ABCA9: variants seen among roughly 807,000 people sequenced by gnomAD.
ABCA9 encodes the protein ATP-binding cassette sub-family A member 9.
ABCA9 carries 183 observed loss-of-function variants against 205.3 expected under a neutral mutation model. The ratio of observed to expected loss-of-function variants is 0.89; its 90% CI spans 0.79 to 1.01. ABCA9 has a LOEUF of 1.01. Among genes scored for constraint, ABCA9 ranks in the 50% least tolerant of loss-of-function variants. The pLI, the probability that ABCA9 is intolerant of heterozygous loss-of-function variation, is 0.00. For missense variants in ABCA9, 1,805 were observed against 1,912.4 expected, an observed-to-expected ratio of 0.94 and a Z score of 1.05; for synonymous variants, 651 against 683.3, an observed-to-expected ratio of 0.95 and a Z score of 0.74.
Position 69,017,643 on chromosome 17 carries a change from G to T in ABCA9, c.2901+13C>A. The T allele has an allele frequency of 6.2e-7, 1 of 1,611,926 alleles. No homozygotes were observed. On this transcript the variant is annotated intron_variant, in intron 21 of 38. Coordinates refer to ENST00000340001, the MANE Select transcript of ABCA9 (RefSeq NM_080283.4). ...CACCTTTGGTGAAATGCAGCAACTG[G>T]AGTCCAGCATACCTTTTCATCACCT...
At chr17:68,976,706 G>T (rs2068900918) in intron 37 of ABCA9, among the ~76,000 whole-genome samples, 1 of 152,220 alleles carries the variant, frequency 6.6e-6, no homozygotes, top group Non-Finnish European at 1.5e-5. Flanking sequence ...TCAGGTCATT[G>T]CTTCCTCTCT....
rs780623292 is a variant in ABCA9 at position 69,007,751 on chromosome 17, A to G, written c.3435+8T>C. 21 of 1,496,704 alleles carry G rather than the reference A, an allele frequency of 1.4e-5. No individual in the cohort carries two copies. The highest frequency in any genetic ancestry group is 2.0e-5 in the Non-Finnish European group (21 of 1,074,398). The allele number at this position is 1,496,704 out of a possible 1,614,324, so 92.7% of individuals were successfully genotyped here. On this transcript the variant is annotated splice_region_variant and intron_variant, in intron 25 of 38. Transcript: ENST00000340001. The stretch of plus-strand genomic sequence containing the variant: ...TGGTAAAATAATAGGTAGTATATGC[A>G]TACTCACAATTAAGAAGAAAAATGA...
At chr17:68,982,364 C>T (rs1025312287) in intron 37 of ABCA9, among the ~76,000 whole-genome samples, 198 bp downstream of exon 37, 6 of 152,152 alleles carry the variant, frequency 3.9e-5, no homozygotes, top group Admixed American at 6.5e-5. Context: ...CCTCTCTGTC[C>T]GCACTTGTAA....
chr17:69,078,236 A>C, the ABCA9 span, among the ~76,000 whole-genome samples: 1 of 137,632 alleles, frequency 7.3e-6, no homozygotes, highest in Non-Finnish European at 1.5e-5. Context: ...ACAGAGTCTC[A>C]CTCTGTCACC....
intron 12 of ABCA9, among the ~76,000 whole-genome samples, chr17:69,028,165 C>T (rs750952280): frequency 9.9e-5 from 15 of 151,896 alleles, no homozygotes; most frequent in Non-Finnish European, 1.9e-4. Context: ...TTAATAAAAC[C>T]AATTACATAA....
Position 68,986,187 on chromosome 17 carries a change from C to A in ABCA9, c.4185G>T (p.Gly1395=), listed in dbSNP as rs1351356318. The A allele has an allele frequency of 1.9e-6, 3 of 1,611,726 alleles. No individual in the cohort carries two copies. The highest frequency in any genetic ancestry group is 1.7e-6 in the Non-Finnish European group (2 of 1,178,904). Residue 1395 remains glycine, a synonymous_variant, in exon 32 of 39, where the codon GGG becomes GGT. Transcript: ENST00000340001. The part of the protein sequence containing the change: ...VYAAVKGLRK[G]DAMIAITRLV... ...ACCGTGTGATGGCGATCATTGCGTC[C>A]CCTTTCCTGAGACCTTTCACGGCAG...
rs1240977612 is a variant in ABCA9 at position 69,032,159 on chromosome 17, T to C, written c.1394A>G (p.Asn465Ser). 1 of 1,613,810 alleles carries C rather than the reference T, an allele frequency of 6.2e-7. No individual in the cohort carries two copies. Among genetic ancestry groups the C allele is most frequent in the South Asian group, 1.1e-5 (1 of 91,050 alleles). Residue 465 changes from asparagine to serine, a missense_variant, in exon 10 of 39, where the codon AAT (asparagine) becomes AGT (serine). By Grantham distance (46) the Asn-to-Ser change is conservative (BLOSUM62 1). Transcript: ENST00000340001. ...TGGAGACACTGGTTCAAAACAGTCA[T>C]TAGGTGTAGGATCAGAATCTGTTTC... ...ENETDSDPTP[N>S]DCFEPVSPEF...
At chr17:69,045,432 C>T in intron 3 of ABCA9, 96 bp from the exon 4 acceptor site, 1 of 1,091,962 alleles carries the variant, frequency 9.2e-7, no homozygotes. Context: ...TAAAGCTATT[C>T]CTTCCTAAAG....
Position 69,043,494 on chromosome 17 carries a change from T to G in ABCA9, c.795A>C (p.Ala265=). 2 of 1,581,318 alleles carry G rather than the reference T, an allele frequency of 1.3e-6. No individual in the cohort carries two copies. Among genetic ancestry groups the G allele is most frequent in the Non-Finnish European group, 1.7e-6 (2 of 1,163,020 alleles). ...LMTMMGLRES[A]FWLSWGLMYA... Reference sequence around the variant, plus strand: ...ATTGGAGTCATATGATTTACCAGAATGCTGACTCTCGGAGTCCCATCATTG... The same window carrying G: ...ATTGGAGTCATATGATTTACCAGAAGGCTGACTCTCGGAGTCCCATCATTG... Residue 265 remains alanine, a synonymous_variant, in exon 6 of 39, where the codon GCA becomes GCC. Coordinates refer to ENST00000340001, the MANE Select transcript of ABCA9 (RefSeq NM_080283.4).
chr17:69,077,467 G>C, the ABCA9 span, among the ~76,000 whole-genome samples: 2 of 152,188 alleles, frequency 1.3e-5, no homozygotes, highest in Non-Finnish European at 2.9e-5. Flanking sequence ...CAGATGAGAA[G>C]AATGTATATT....
chr17:69,054,689 T>C (rs974298854), intron 1 of ABCA9, among the ~76,000 whole-genome samples: 12 of 152,008 alleles, frequency 7.9e-5, no homozygotes, highest in Admixed American at 2.0e-4. Context: ...TGTATACTTA[T>C]GTTTATATAT....
chr17:69,007,894 T>C (rs1282024034), intron 24 of ABCA9, 22 bp from the exon 25 acceptor site: 1 of 1,522,796 alleles, frequency 6.6e-7, no homozygotes, highest in Admixed American at 1.7e-5. Context: ...AATGTTAAGG[T>C]CCAATAAGGT....
At chr17:69,035,135 A>G in intron 8 of ABCA9, 111 bp downstream of exon 8, 2 of 993,286 alleles carry the variant, frequency 2.0e-6, no homozygotes. Context: ...ATACATGTTT[A>G]TTTTTACAAA....
chr17:69,072,428 T>C, the ABCA9 span, among the ~76,000 whole-genome samples: 1 of 151,894 alleles, frequency 6.6e-6, no homozygotes, highest in East Asian at 1.9e-4. Flanking sequence ...CAGAAGAGAG[T>C]GGGGGACAAT....
At chr17:68,989,244 T>C in intron 30 of ABCA9, 126 bp from the exon 31 acceptor site, 15 of 363,040 alleles carry the variant, frequency 4.1e-5, no homozygotes, top group Middle Eastern at 7.6e-4. Flanking sequence ...CCCTTATTCC[T>C]CTCTCTCTCT....
the ABCA9 span, among the ~76,000 whole-genome samples, chr17:69,066,422 A>G: frequency 6.6e-6 from 1 of 152,162 alleles, no homozygotes; most frequent in East Asian, 1.9e-4. Context: ...GAAAGGTTGT[A>G]GGTTGGGTGG....
In ABCA9 at chr17:69,035,745, G is replaced by A; in HGVS notation, c.857C>T (p.Ala286Val). 1.2e-6 allele frequency: 2 copies of A among 1,613,608 alleles called. No individual in the cohort carries two copies. The highest frequency in any genetic ancestry group is 2.2e-5 in the East Asian group (1 of 44,794). ...GFILIMATLM[A>V]LIVKSAQIVV... ...AATTTGTGCAGATTTTACAATAAGA[G>A]CCATTAAAGTGGCCATGATAAGGAT... is the stretch of plus-strand genomic sequence containing the variant. The change falls in exon 7 of 39, where the codon GCT (alanine) becomes GTT (valine). Residue 286 changes from alanine (A) to valine (V), a missense_variant. Ala to Val is a moderately conservative substitution (Grantham distance 64). Transcript: ENST00000340001.
At chr17:69,003,370 C>T (rs1052579259) in intron 25 of ABCA9, among the ~76,000 whole-genome samples, 1 of 148,104 alleles carries the variant, frequency 6.8e-6, no homozygotes, top group African/African-American at 2.5e-5. Flanking sequence ...TTCTCCTTCA[C>T]TTATGAAGCT....
intron 16 of ABCA9, 42 bp from the exon 17 acceptor site, chr17:69,024,395 G>A (rs1287590130): frequency 6.7e-7 from 1 of 1,495,756 alleles, no homozygotes. Context: ...ATCCAACTGT[G>A]TCTATAAAAC....
Sources: allele counts gnomAD v4.1 joint callset (sites outside exome capture counted in the v4.1 genomes callset), GRCh38; gene constraint gnomAD v4.1.1; transcripts MANE v1.5; gene names NCBI Gene and HGNC (gene_info 2026-07-23, HGNC 2026-07-21).